IGFBP2: variants seen among roughly 807,000 people sequenced by gnomAD.
IGFBP2 encodes insulin-like growth factor-binding protein 2.
Under a neutral mutation model 26.2 loss-of-function variants are expected in IGFBP2, and 12 were observed. That is an observed-to-expected ratio of 0.46 (90% CI 0.29 to 0.74). The LOEUF (loss-of-function observed/expected upper bound fraction) is 0.74. IGFBP2 is among the 30% of genes least tolerant of loss of function. The pLI, the probability that IGFBP2 is intolerant of heterozygous loss-of-function variation, is 0.09. For synonymous variants in IGFBP2, 189 were observed against 200.6 expected (o/e 0.94, Z 0.49); for missense variants, 328 against 441.2 (o/e 0.74, Z 2.30).
chr2:216,663,845 C>A, intron 3 of IGFBP2, 95 bp from the exon 4 acceptor site: 1 of 1,364,088 alleles, frequency 7.3e-7, no homozygotes, highest in Non-Finnish European at 1.0e-6. Flanking sequence ...GCATGGGTAG[C>A]TGCAAGGGGT....
intron 1 of IGFBP2, among the ~76,000 whole-genome samples, chr2:216,657,294 C>T (rs1297869509): frequency 2.0e-5 from 3 of 152,072 alleles, no homozygotes; most frequent in South Asian, 2.1e-4. Flanking sequence ...GGGATGAGTG[C>T]GTGCGCTGCA....
At chr2:216,645,443 A>G (rs952701319) in intron 1 of IGFBP2, among the ~76,000 whole-genome samples, 3 of 152,186 alleles carry the variant, frequency 2.0e-5, no homozygotes, top group Non-Finnish European at 4.4e-5. Context: ...TTGGTTAACA[A>G]CCTGGGCTTG....
rs537928328 is a variant in IGFBP2, at chr2:216,648,843, G to A, written c.443-11714G>A. Among the ~76,000 whole-genome samples, 24 of 152,188 alleles carry A rather than the reference G, an allele frequency of 1.6e-4. No individual in the cohort carries two copies. In the East Asian group the frequency reaches 1.7e-3, roughly 11 times the overall value. On this transcript the variant is annotated intron_variant, in intron 1 of 3. Transcript: ENST00000233809. ...AGGCTGGTCTCGAACTCCTGACCTC[G>A]TGATCCACCTGTCTTGGCCTCCCAA...
At chr2:216,659,499 C>T (rs577008331) in intron 1 of IGFBP2, 70 of 571,232 alleles carry the variant, frequency 1.2e-4, no homozygotes, top group African/African-American at 2.6e-4. Context: ...GGCTGGGGCT[C>T]GGCGGTGTGA....
intron 1 of IGFBP2, among the ~76,000 whole-genome samples, chr2:216,651,313 A>G (rs540408499): frequency 1.9e-4 from 29 of 152,198 alleles, no homozygotes; most frequent in Non-Finnish European, 3.2e-4. Flanking sequence ...GCCACATGCT[A>G]GATGGAGTTT....
intron 3 of IGFBP2, chr2:216,662,396 T>G (rs1221944519): frequency 4.7e-6 from 1 of 213,444 alleles, no homozygotes; most frequent in Non-Finnish European, 9.5e-6. Context: ...AAGCCTCAGG[T>G]GAGGCTCATA....
At chr2:216,662,318 A>G in intron 3 of IGFBP2, 1 of 334,480 alleles carries the variant, frequency 3.0e-6, no homozygotes, top group African/African-American at 2.1e-5. Context: ...GGACATTGAC[A>G]TCACCTGGAG....
intron 1 of IGFBP2, among the ~76,000 whole-genome samples, chr2:216,651,936 A>G (rs1026434851): frequency 3.3e-5 from 5 of 151,282 alleles, no homozygotes; most frequent in African/African-American, 1.2e-4. Flanking sequence ...TAATTTTTGT[A>G]TTTTTGGTAG....
At chr2:216,643,793 T>G (rs1029009890) in intron 1 of IGFBP2, among the ~76,000 whole-genome samples, 1 of 152,182 alleles carries the variant, frequency 6.6e-6, no homozygotes, top group Non-Finnish European at 1.5e-5. Context: ...TGGAGGGCTT[T>G]CATGGTGGAG....
chr2:216,634,656 A>T (rs1431148843), intron 1 of IGFBP2, among the ~76,000 whole-genome samples: 1 of 152,194 alleles, frequency 6.6e-6, no homozygotes, highest in Non-Finnish European at 1.5e-5. Context: ...AATGTAACTT[A>T]AGCCCGATCG....
intron 1 of IGFBP2, among the ~76,000 whole-genome samples, chr2:216,641,494 T>G (rs1293266240): frequency 6.6e-6 from 1 of 152,214 alleles, no homozygotes; most frequent in Non-Finnish European, 1.5e-5. Flanking sequence ...GATTTCCATC[T>G]CTTCACCTAT....
intron 1 of IGFBP2, among the ~76,000 whole-genome samples, chr2:216,638,753 G>A (rs1284148164): frequency 1.3e-5 from 2 of 151,506 alleles, no homozygotes; most frequent in Non-Finnish European, 2.9e-5. Context: ...AGGCTGGAGT[G>A]CAGTGGTGCG....
chr2:216,647,315 A>G (rs1299377631), intron 1 of IGFBP2, among the ~76,000 whole-genome samples: 6 of 152,116 alleles, frequency 3.9e-5, no homozygotes, highest in African/African-American at 1.4e-4. Context: ...TTCACTAAGT[A>G]TGGAAAGCTG....
At chr2:216,653,146 G>C (rs1697858876) in intron 1 of IGFBP2, among the ~76,000 whole-genome samples, 2 of 152,208 alleles carry the variant, frequency 1.3e-5, no homozygotes, top group African/African-American at 4.8e-5. Flanking sequence ...CACACTCTGA[G>C]GAGGAAGGAC....
chr2:216,646,337 T>C (rs895797645), intron 1 of IGFBP2, among the ~76,000 whole-genome samples: 19 of 152,162 alleles, frequency 1.2e-4, no homozygotes, highest in Non-Finnish European at 2.8e-4. Flanking sequence ...AATGTGGGTC[T>C]TAGGACAGGC....
At chr2:216,642,752 C>T (rs1422630595) in intron 1 of IGFBP2, among the ~76,000 whole-genome samples, 1 of 152,116 alleles carries the variant, frequency 6.6e-6, no homozygotes, top group Non-Finnish European at 1.5e-5. Context: ...AGAGGTGGCC[C>T]CAGAGCTTGG....
At position 216,664,356 on chromosome 2, in the gene IGFBP2, G is replaced by C. The variant is rs1688720851; in HGVS notation, c.*252G>C. 4 of 376,488 alleles carry C rather than the reference G, an allele frequency of 1.1e-5. No individual in the cohort carries two copies. Among genetic ancestry groups the C allele is most frequent in the Non-Finnish European group, 1.9e-5 (4 of 210,522 alleles). 23.3% of individuals were successfully genotyped at this position (376,488 alleles called of 1,614,324 possible). On this transcript the variant is annotated 3_prime_UTR_variant, in exon 4 of 4. Transcript: ENST00000233809. The surrounding 1 kb of genome is among the most constrained non-coding windows in gnomAD (Gnocchi z 4.6). ...GTTGTGGTCGGGGAGCTGGGGTACAGGTTTGGGGAGGGGGAAGAGAAATTT... is the reference window on the plus strand; with the variant it reads ...GTTGTGGTCGGGGAGCTGGGGTACACGTTTGGGGAGGGGGAAGAGAAATTT...
rs538580062 is a variant in IGFBP2 at position 216,635,887 on chromosome 2, G to A, written c.442+1922G>A. On this transcript the variant is annotated intron_variant, in intron 1 of 3. Coordinates refer to ENST00000233809, the MANE Select transcript of IGFBP2 (RefSeq NM_000597.3). Reference sequence around the variant, plus strand: ...CCCCAGCTGCGTTCTCCTCCCCAGTGCCCAGACGCCTTCCGCATTTTTGTG... The same window carrying A: ...CCCCAGCTGCGTTCTCCTCCCCAGTACCCAGACGCCTTCCGCATTTTTGTG... Among the ~76,000 whole-genome samples the A allele has an allele frequency of 1.3e-3, 198 of 152,222 alleles. 1 individual carries two copies. Among genetic ancestry groups the A allele is most frequent in the African/African-American group, 4.3e-3 (179 of 41,532 alleles).
Position 216,664,228 on chromosome 2 carries a change from T to A in IGFBP2, c.*124T>A, listed in dbSNP as rs6413492. On this transcript the variant is annotated 3_prime_UTR_variant, in exon 4 of 4. Coordinates refer to ENST00000233809, the MANE Select transcript of IGFBP2 (RefSeq NM_000597.3). The surrounding 1 kb of genome is among the most constrained non-coding windows in gnomAD (Gnocchi z 4.6). Reference sequence around the variant, plus strand: ...CCAGTTCTGACACACGTATTTATATTTGGAAAGAGACCAGCACCGAGCTCG... The same window carrying A: ...CCAGTTCTGACACACGTATTTATATATGGAAAGAGACCAGCACCGAGCTCG... 24,449 of 788,860 alleles carry A rather than the reference T, an allele frequency of 0.031. 464 individuals carry two copies. The highest frequency in any genetic ancestry group is 0.064 in the South Asian group (2,771 of 43,012). 48.9% of individuals were successfully genotyped at this position (788,860 alleles called of 1,614,324 possible). A position where few individuals can be genotyped will look rare whatever the true frequency, so the allele number is the denominator to read the frequency against.
Sources: gnomAD v4.1 joint callset for allele counts (sites outside exome capture counted in the v4.1 genomes callset) on GRCh38, gnomAD v4.1.1 for gene constraint, Gnocchi (gnomAD v3.1) non-coding constraint, MANE v1.5 for transcripts, NCBI Gene and HGNC (gene_info 2026-07-23, HGNC 2026-07-21) for gene names.